Variants in SPIRE1 observed in about 807,000 individuals in gnomAD.
SPIRE1 encodes protein spire homolog 1.
A neutral mutation model predicts 94.1 loss-of-function variants in SPIRE1; 40 were observed. The observed-to-expected ratio is 0.43, with a 90% CI of 0.33 to 0.55. The LOEUF is 0.55. Ranked by LOEUF, SPIRE1 falls within the 20% of genes least tolerant of loss-of-function variation. The pLI, the probability that SPIRE1 is intolerant of heterozygous loss-of-function variation, is 0.06. For missense variants in SPIRE1, 838 were observed against 975.2 expected (o/e 0.86, Z 1.87); for synonymous variants, 376 against 371.7 (o/e 1.01, Z -0.13).
At chr18:12,571,498 G>C (rs1475224186) in intron 2 of SPIRE1, among the ~76,000 whole-genome samples, 1 of 152,136 alleles carries the variant, frequency 6.6e-6, no homozygotes, top group Non-Finnish European at 1.5e-5. Flanking sequence ...TGCGTCTTTA[G>C]AAAATTTATT....
At chr18:12,558,015 AAAAT>A (rs1294635864) in intron 2 of SPIRE1, among the ~76,000 whole-genome samples, 1 of 152,178 alleles carries the variant, frequency 6.6e-6, no homozygotes, top group Non-Finnish European at 1.5e-5. Flanking sequence ...GCTATGTACA[AAAAT>A]AAAATCATAC....
intron 2 of SPIRE1, among the ~76,000 whole-genome samples, chr18:12,594,164 A>G (rs1290766655): frequency 1.3e-5 from 2 of 152,070 alleles, no homozygotes; most frequent in Non-Finnish European, 2.9e-5. Flanking sequence ...GGCAAAAGGA[A>G]CAGTACTGCA....
intron 10 of SPIRE1, among the ~76,000 whole-genome samples, chr18:12,477,216 G>A (rs1176777549): frequency 6.6e-6 from 1 of 152,148 alleles, no homozygotes; most frequent in Admixed American, 6.5e-5. Flanking sequence ...GTAGGCCTGT[G>A]GGGGTGCAGG....
chr18:12,624,251 C>A (rs79521378), intron 2 of SPIRE1, among the ~76,000 whole-genome samples: 1 of 139,696 alleles, frequency 7.2e-6, no homozygotes, highest in East Asian at 2.3e-4. Flanking sequence ...AAAAAAAAAA[C>A]ATTCTACATG....
At chr18:12,660,560 G>A (rs2038676188), upstream of SPIRE1, among the ~76,000 whole-genome samples, 1 of 151,898 alleles carries the variant, frequency 6.6e-6, no homozygotes, top group Admixed American at 6.6e-5. Flanking sequence ...GACTTCAGTG[G>A]TCCACCCGCC....
rs369434119 is a variant in SPIRE1, at chr18:12,626,886, A to T, written c.372+8176T>A. On this transcript the variant is annotated intron_variant, in intron 2 of 16. Transcript: ENST00000409402. Reference sequence around the variant, plus strand: ...CTGTAAAATATATATATATATATATATTTTTTTTTTTTTTTTGCCCAGAGG... The same window carrying T: ...CTGTAAAATATATATATATATATATTTTTTTTTTTTTTTTTTGCCCAGAGG... Among the ~76,000 whole-genome samples, 869 of 111,882 alleles carry T rather than the reference A, an allele frequency of 7.8e-3. 5 individuals are homozygous for T. Among genetic ancestry groups the T allele is most frequent in the South Asian group, 0.016 (48 of 2,918 alleles). The allele number at this position is 111,882 out of a possible 152,430, so 73.4% of individuals were successfully genotyped here.
intron 3 of SPIRE1, among the ~76,000 whole-genome samples, chr18:12,546,258 G>A (rs985522967): frequency 2.6e-4 from 40 of 152,042 alleles, no homozygotes; most frequent in African/African-American, 8.9e-4. Flanking sequence ...CAAAGTGCTG[G>A]GATTACAGCC....
At chr18:12,498,227 T>C (rs900435011) in intron 6 of SPIRE1, among the ~76,000 whole-genome samples, 1 of 152,158 alleles carries the variant, frequency 6.6e-6, no homozygotes, top group Non-Finnish European at 1.5e-5. Context: ...GGATAAGTGG[T>C]TGTGTGAAAA....
chr18:12,527,614 C>G (rs1282673591), intron 4 of SPIRE1, among the ~76,000 whole-genome samples: 1 of 152,036 alleles, frequency 6.6e-6, no homozygotes. Context: ...CCTCAGGTTC[C>G]CACTTCTGGA....
chr18:12,659,622 A>T (rs2038653583), upstream of SPIRE1, among the ~76,000 whole-genome samples: 1 of 152,146 alleles, frequency 6.6e-6, no homozygotes, highest in Admixed American at 6.6e-5. Flanking sequence ...ATGAGCCAAG[A>T]TCACACCACT....
At chr18:12,468,499 G>A (rs1045861494) in intron 10 of SPIRE1, among the ~76,000 whole-genome samples, 3 of 152,140 alleles carry the variant, frequency 2.0e-5, no homozygotes, top group Non-Finnish European at 2.9e-5. Context: ...GACGTCCTAT[G>A]AAACCTCCAA....
In SPIRE1 at chr18:12,509,881, A is replaced by T. The variant is rs189616882; in HGVS notation, c.807+2573T>A. Among the ~76,000 whole-genome samples, 777 of 152,108 alleles carry T rather than the reference A, an allele frequency of 5.1e-3. 4 individuals carry two copies. The highest frequency in any genetic ancestry group is 0.017 in the African/African-American group (701 of 41,510). On this transcript the variant is annotated intron_variant, in intron 5 of 16. Coordinates refer to ENST00000409402, the MANE Select transcript of SPIRE1 (RefSeq NM_001128626.2). The stretch of plus-strand genomic sequence containing the variant: ...GCGGATCACCAGGTAGGTCAGGAGT[A>T]CGAGATCAGCCTGACCAACATGGTG...
rs75829187 is a variant in SPIRE1, at chr18:12,571,753, T to C, written c.373-24849A>G. Among the ~76,000 whole-genome samples the C allele has an allele frequency of 9.2e-3, 1,403 of 152,360 alleles. 28 individuals carry two copies. The highest frequency in any genetic ancestry group is 0.033 in the African/African-American group (1,355 of 41,584). On this transcript the variant is annotated intron_variant, in intron 2 of 16. Coordinates refer to ENST00000409402, the MANE Select transcript of SPIRE1 (RefSeq NM_001128626.2). ...TAATCTAGCTAATGTCCACTGTGCA[T>C]AGTTCCCTTCATTAATTCAGTCAAC...
rs540598875 is a variant in SPIRE1 at position 12,624,111 on chromosome 18, C to A, written c.372+10951G>T. On this transcript the variant is annotated intron_variant, in intron 2 of 16. Coordinates refer to ENST00000409402, the MANE Select transcript of SPIRE1 (RefSeq NM_001128626.2). Reference sequence around the variant, plus strand: ...ACTAATTTTGTATTTTTAGTAGAGACGGAGTTTCGCCATGTTGATCAGCTG... The same window carrying A: ...ACTAATTTTGTATTTTTAGTAGAGAAGGAGTTTCGCCATGTTGATCAGCTG... 1.2e-4 allele frequency among the ~76,000 whole-genome samples: 16 copies of A among 138,932 alleles called. 1 individual carries two copies. In the South Asian group the frequency reaches 3.9e-3, roughly 33 times the overall value. 91.1% of individuals were successfully genotyped at this position (138,932 alleles called of 152,430 possible).
At chr18:12,550,827 A>G (rs561787869) in intron 2 of SPIRE1, among the ~76,000 whole-genome samples, 22 of 152,290 alleles carry the variant, frequency 1.4e-4, no homozygotes, top group Non-Finnish European at 2.9e-4. Flanking sequence ...CATCCAACAC[A>G]AGTGACTCAC....
chr18:12,569,639 A>AAC (rs2035913984), intron 2 of SPIRE1, among the ~76,000 whole-genome samples: 1 of 123,008 alleles, frequency 8.1e-6, no homozygotes, highest in African/African-American at 2.7e-5. Context: ...ACAACAACAA[A>AAC]AAAAAAAAAC....
chr18:12,479,176 CTTT>C (rs35129611), intron 10 of SPIRE1, among the ~76,000 whole-genome samples: 5 of 122,836 alleles, frequency 4.1e-5, no homozygotes, highest in Non-Finnish European at 5.1e-5. Context: ...TTTTCTTTTT[CTTT>C]TTTTTTTTTT....
At chr18:12,541,287 T>A (rs902430845) in intron 3 of SPIRE1, among the ~76,000 whole-genome samples, 1 of 152,226 alleles carries the variant, frequency 6.6e-6, no homozygotes, top group African/African-American at 2.4e-5. Context: ...AATTGTTCCA[T>A]GTATACCTGA....
At chr18:12,657,129 C>G (rs2038563358) in intron 1 of SPIRE1, among the ~76,000 whole-genome samples, 1 of 152,242 alleles carries the variant, frequency 6.6e-6, no homozygotes, top group South Asian at 2.1e-4. Flanking sequence ...CTCCCCACCC[C>G]GTGAACCCGG....
Sources: gnomAD v4.1 joint callset for allele counts (sites outside exome capture counted in the v4.1 genomes callset) on GRCh38, gnomAD v4.1.1 for gene constraint, MANE v1.5 for transcripts, NCBI Gene and HGNC (gene_info 2026-07-23, HGNC 2026-07-21) for gene names.